Variants in RANBP2 observed in about 807,000 individuals in gnomAD.
The protein encoded by RANBP2 is RAN binding protein 2, also known as E3 SUMO-protein ligase RanBP2.
In RANBP2, 57 loss-of-function variants were observed where a neutral mutation model predicts 303.6. The observed-to-expected ratio is 0.19, with a 90% CI of 0.15 to 0.23. The LOEUF is 0.23. Among genes scored for constraint, RANBP2 ranks in the 10% least tolerant of loss-of-function variants. The pLI is 1.00. For synonymous variants in RANBP2, 1,167 were observed against 1,301.5 expected (o/e 0.90, Z 2.23); for missense variants, 3,138 against 3,780.8 (o/e 0.83, Z 4.46).
chr2:109,677,609 C>T, the RANBP2 span, among the ~76,000 whole-genome samples: 2 of 152,154 alleles, frequency 1.3e-5, no homozygotes, highest in African/African-American at 4.8e-5. Flanking sequence ...AGTGGTCCTC[C>T]AGCCAGGCTT....
At chr2:109,296,417 T>C in the RANBP2 span, among the ~76,000 whole-genome samples, 5 of 151,860 alleles carry the variant, frequency 3.3e-5, no homozygotes, top group Non-Finnish European at 2.9e-5. Context: ...GTGTTTTTTA[T>C]TGTTAGTAGG....
At chr2:109,604,559 C>G in the RANBP2 span, among the ~76,000 whole-genome samples, 1 of 150,886 alleles carries the variant, frequency 6.6e-6, no homozygotes, top group African/African-American at 2.4e-5. Context: ...AACCCTGTCT[C>G]CAGTAAAAAT....
chr2:109,437,345 A>G, the RANBP2 span, among the ~76,000 whole-genome samples: 1 of 151,796 alleles, frequency 6.6e-6, no homozygotes, highest in East Asian at 2.0e-4. Context: ...GGTGGGCCTT[A>G]AAGGCATAAA....
chr2:109,623,689 A>G, the RANBP2 span, among the ~76,000 whole-genome samples: 1 of 152,244 alleles, frequency 6.6e-6, no homozygotes. Flanking sequence ...GTGTGCACCC[A>G]GGTGGGTGCT....
At chr2:108,929,289 G>T in the RANBP2 span, 1 of 1,614,178 alleles carries the variant, frequency 6.2e-7, no homozygotes, top group South Asian at 1.1e-5. Context: ...TCTTTGTGAC[G>T]CCTGCATATC....
chr2:109,039,265 T>G, the RANBP2 span, among the ~76,000 whole-genome samples: 1 of 152,334 alleles, frequency 6.6e-6, no homozygotes, highest in East Asian at 1.9e-4. Context: ...TCCACGAAGG[T>G]GTGAGCCAAT....
At chr2:109,337,454 A>T in the RANBP2 span, among the ~76,000 whole-genome samples, 5 of 152,172 alleles carry the variant, frequency 3.3e-5, no homozygotes, top group Non-Finnish European at 7.4e-5. Context: ...GCATATGGCG[A>T]AATGTTTTCC....
chr2:109,136,278 AG>A, the RANBP2 span, among the ~76,000 whole-genome samples: 2 of 152,168 alleles, frequency 1.3e-5, no homozygotes, highest in African/African-American at 4.8e-5. Flanking sequence ...TGCTCTTGAT[AG>A]CACCACTTGA....
the RANBP2 span, among the ~76,000 whole-genome samples, chr2:109,155,049 G>A: frequency 5.9e-5 from 9 of 152,148 alleles, no homozygotes; most frequent in African/African-American, 2.2e-4. Context: ...GTTCTGGTGT[G>A]CTCATGGAAG....
the RANBP2 span, among the ~76,000 whole-genome samples, chr2:109,024,086 C>T: frequency 6.6e-6 from 1 of 152,072 alleles, no homozygotes; most frequent in Non-Finnish European, 1.5e-5. Flanking sequence ...CCACCACGCC[C>T]CGCTAATTTT....
At chr2:109,036,146 A>G in the RANBP2 span, among the ~76,000 whole-genome samples, 1 of 152,256 alleles carries the variant, frequency 6.6e-6, no homozygotes, top group East Asian at 1.9e-4. Flanking sequence ...CAAGAAAGCT[A>G]CAAACTACCA....
chr2:109,634,061 A>G, the RANBP2 span, among the ~76,000 whole-genome samples: 4 of 132,444 alleles, frequency 3.0e-5, no homozygotes, highest in Non-Finnish European at 6.2e-5. Context: ...CGGAGGTTGC[A>G]GTGAGCCGAG....
At chr2:109,625,782 A>G in the RANBP2 span, among the ~76,000 whole-genome samples, 1 of 152,252 alleles carries the variant, frequency 6.6e-6, no homozygotes, top group Admixed American at 6.5e-5. Context: ...TGAAATGTAG[A>G]GTAGGATACA....
the RANBP2 span, among the ~76,000 whole-genome samples, chr2:109,307,622 G>A: frequency 1.5e-5 from 2 of 131,370 alleles, no homozygotes; most frequent in African/African-American, 6.3e-5. Context: ...CCCTTCCTGT[G>A]TCCATGTGAT....
At chr2:108,822,490 C>CAG in the RANBP2 span, among the ~76,000 whole-genome samples, 1 of 152,296 alleles carries the variant, frequency 6.6e-6, no homozygotes, top group East Asian at 1.9e-4. Flanking sequence ...CCAACAACAG[C>CAG]AGATGATACA....
chr2:109,125,104 G>C, the RANBP2 span, among the ~76,000 whole-genome samples: 1 of 152,226 alleles, frequency 6.6e-6, no homozygotes, highest in Non-Finnish European at 1.5e-5. Context: ...CAAGTCTGGG[G>C]TTGGCCTGTT....
the RANBP2 span, among the ~76,000 whole-genome samples, chr2:109,190,454 G>A: frequency 1.7e-3 from 258 of 152,346 alleles, 2 homozygotes; most frequent in African/African-American, 5.9e-3. Context: ...GGTTATAGGC[G>A]TGAGCCACTG....
the RANBP2 span, among the ~76,000 whole-genome samples, chr2:109,476,660 T>C: frequency 2.3e-4 from 35 of 152,354 alleles, no homozygotes; most frequent in African/African-American, 8.2e-4. Flanking sequence ...GAGAGGGTTC[T>C]TGGATCTCCC....
chr2:109,452,927 G>C, the RANBP2 span, among the ~76,000 whole-genome samples: 1 of 149,776 alleles, frequency 6.7e-6, no homozygotes, highest in African/African-American at 2.5e-5. Flanking sequence ...CAGGAGGCTG[G>C]TCCCGGGAGG....
Sources: gnomAD v4.1 joint callset for allele counts (sites outside exome capture counted in the v4.1 genomes callset) on GRCh38, gnomAD v4.1.1 for gene constraint, MANE v1.5 for transcripts, NCBI Gene and HGNC (gene_info 2026-07-23, HGNC 2026-07-21) for gene names.